The following CTNND2 variants were observed in gnomAD, a reference collection of about 807,000 sequenced individuals.
CTNND2 encodes the protein catenin delta-2.
CTNND2 carries 22 observed loss-of-function variants against 144.4 expected under a neutral mutation model. That is an observed-to-expected ratio of 0.15 (90% confidence interval 0.11 to 0.22). The LOEUF (loss-of-function observed/expected upper bound fraction) is 0.22, where lower values mean the gene tolerates loss of function less well. Ranked by LOEUF, CTNND2 falls within the 10% of genes least tolerant of loss-of-function variation. CTNND2 has a pLI of 1.00. For synonymous variants in CTNND2, 751 were observed against 695.6 expected (o/e 1.08, Z -1.25); for missense variants, 1,353 against 1,618.8 (o/e 0.84, Z 2.82).
At chr5:10,997,209 G>C (rs939117418) in intron 18 of CTNND2, among the ~76,000 whole-genome samples, 1 of 152,202 alleles carries the variant, frequency 6.6e-6, no homozygotes, top group African/African-American at 2.4e-5. Flanking sequence ...GGCAAACACA[G>C]AGGAGGAGCA....
chr5:11,578,524 G>A (rs763034248), intron 2 of CTNND2, among the ~76,000 whole-genome samples: 2 of 152,000 alleles, frequency 1.3e-5, no homozygotes, highest in Non-Finnish European at 2.9e-5. Flanking sequence ...AGCCAGGCAC[G>A]GTGGCACGCA....
At chr5:11,196,029 T>C (rs1442670296) in intron 11 of CTNND2, among the ~76,000 whole-genome samples, 1 of 152,268 alleles carries the variant, frequency 6.6e-6, no homozygotes, top group Non-Finnish European at 1.5e-5. Flanking sequence ...GAGCTGTTTT[T>C]TTCAGCATGC....
intron 3 of CTNND2, among the ~76,000 whole-genome samples, chr5:11,466,688 T>C (rs1208397997): frequency 2.0e-5 from 3 of 152,160 alleles, no homozygotes; most frequent in African/African-American, 7.2e-5. Flanking sequence ...CAGGAGGGCA[T>C]ACCTCATGAG....
At chr5:11,798,271 A>C (rs1489717871) in intron 1 of CTNND2, among the ~76,000 whole-genome samples, 1 of 152,024 alleles carries the variant, frequency 6.6e-6, no homozygotes, top group African/African-American at 2.4e-5. Context: ...AAAAAAAAAA[A>C]AAAAAAGGTT....
At chr5:11,752,912 T>C (rs1788708464) in intron 1 of CTNND2, among the ~76,000 whole-genome samples, 1 of 151,862 alleles carries the variant, frequency 6.6e-6, no homozygotes, top group Non-Finnish European at 1.5e-5. Context: ...TTAGCTGCAT[T>C]CCTAGGTATT....
rs535735121 is a variant in CTNND2 at position 11,179,695 on chromosome 5, A to G, written c.1975+19753T>C. 2.6e-5 allele frequency among the ~76,000 whole-genome samples: 4 copies of G among 152,288 alleles called. No homozygotes were observed. The East Asian group carries it at 7.7e-4, about 29-fold the overall frequency. Reference sequence around the variant, plus strand: ...ATTTGAGGGCTGAGGACCTATTGACACCTCAACCCTCTTATTAAAGGCTTA... The same window carrying G: ...ATTTGAGGGCTGAGGACCTATTGACGCCTCAACCCTCTTATTAAAGGCTTA... On this transcript the variant is annotated intron_variant, in intron 11 of 21. Transcript: ENST00000304623.
At chr5:11,712,062 T>C (rs1786064042) in intron 2 of CTNND2, among the ~76,000 whole-genome samples, 1 of 152,212 alleles carries the variant, frequency 6.6e-6, no homozygotes, top group Admixed American at 6.5e-5. Flanking sequence ...CTTTCCCTAT[T>C]TCTTTGCCTG....
chr5:11,876,336 GAGAAA>G (rs1402231574), intron 1 of CTNND2, among the ~76,000 whole-genome samples: 1 of 150,714 alleles, frequency 6.6e-6, no homozygotes, highest in African/African-American at 2.4e-5. Context: ...GAGAGGAGAA[GAGAAA>G]AGAAAAGAGA....
intron 16 of CTNND2, among the ~76,000 whole-genome samples, chr5:11,072,556 T>G (rs1302531442): frequency 6.6e-6 from 1 of 152,250 alleles, no homozygotes; most frequent in East Asian, 1.9e-4. Flanking sequence ...AGAAACAATG[T>G]CCGAATTTCA....
intron 6 of CTNND2, among the ~76,000 whole-genome samples, chr5:11,391,560 A>C (rs540155269): frequency 3.3e-5 from 5 of 152,246 alleles, no homozygotes; most frequent in African/African-American, 1.2e-4. Context: ...TGCTCAAAAA[A>C]TTTGGAAAGT....
chr5:11,481,208 T>C (rs1230694240), intron 3 of CTNND2, among the ~76,000 whole-genome samples: 1 of 152,132 alleles, frequency 6.6e-6, no homozygotes, highest in East Asian at 1.9e-4. Flanking sequence ...CCTGTCTTTA[T>C]TGAAAAATTT....
chr5:11,667,297 G>T (rs923201805), intron 2 of CTNND2, among the ~76,000 whole-genome samples: 1 of 152,098 alleles, frequency 6.6e-6, no homozygotes, highest in Non-Finnish European at 1.5e-5. Flanking sequence ...TGGGACTGCT[G>T]GGTCAAATGT....
intron 9 of CTNND2, among the ~76,000 whole-genome samples, chr5:11,334,391 C>T (rs1291802943): frequency 1.3e-5 from 2 of 152,146 alleles, no homozygotes; most frequent in Non-Finnish European, 2.9e-5. Context: ...ATAAAGGCTC[C>T]ATCATTGTGG....
At chr5:11,424,046 A>G (rs189347264) in intron 3 of CTNND2, among the ~76,000 whole-genome samples, 27 of 152,290 alleles carry the variant, frequency 1.8e-4, no homozygotes, top group Admixed American at 7.8e-4. Flanking sequence ...TGGCCTTTTG[A>G]CCATCTGAGT....
At chr5:11,711,247 G>A (rs571100997) in intron 2 of CTNND2, among the ~76,000 whole-genome samples, 8 of 152,058 alleles carry the variant, frequency 5.3e-5, no homozygotes, top group Admixed American at 5.2e-4. Context: ...GCAGAGACGG[G>A]GTTTCACCAT....
chr5:11,240,508 A>AAC (rs1169934430), intron 9 of CTNND2, among the ~76,000 whole-genome samples: 2 of 107,674 alleles, frequency 1.9e-5, no homozygotes, highest in African/African-American at 3.7e-5. Flanking sequence ...ACACACACCC[A>AAC]ACACACACAC....
chr5:11,478,560 C>A (rs1767969323), intron 3 of CTNND2, among the ~76,000 whole-genome samples: 1 of 152,172 alleles, frequency 6.6e-6, no homozygotes, highest in South Asian at 2.1e-4. Context: ...TTTATTTGAA[C>A]CAGAGAAAAC....
intron 7 of CTNND2, among the ~76,000 whole-genome samples, chr5:11,365,561 C>T (rs1053187536): frequency 4.6e-5 from 7 of 152,140 alleles, no homozygotes; most frequent in African/African-American, 9.7e-5. Context: ...GTATAAATTG[C>T]GGCTACACAC....
At chr5:10,983,000 T>G (rs1737485070) in intron 20 of CTNND2, among the ~76,000 whole-genome samples, 1 of 152,162 alleles carries the variant, frequency 6.6e-6, no homozygotes, top group African/African-American at 2.4e-5. Context: ...TATCAGAGAC[T>G]GAGAAGTGGA....
Sources: allele counts gnomAD v4.1 joint callset (sites outside exome capture counted in the v4.1 genomes callset), GRCh38; gene constraint gnomAD v4.1.1; transcripts MANE v1.5; gene names NCBI Gene and HGNC (gene_info 2026-07-23, HGNC 2026-07-21).